BRF1: variants seen among roughly 807,000 people sequenced by gnomAD.
BRF1 encodes the protein BRF1 general transcription factor IIIB subunit.
Under a neutral mutation model 81.7 loss-of-function variants are expected in BRF1, and 59 were observed. That is an observed-to-expected ratio of 0.72 (90% CI 0.59 to 0.90). The LOEUF (loss-of-function observed/expected upper bound fraction) is 0.90, where lower values mean the gene tolerates loss of function less well. Ranked by LOEUF, BRF1 falls within the 40% of genes least tolerant of loss-of-function variation. The probability of loss-of-function intolerance (pLI) is 0.00; values close to 1 mark genes in which losing one functional copy is unlikely to be tolerated. For missense variants in BRF1, 1,050 were observed against 936.3 expected (o/e 1.12, Z -1.58); for synonymous variants, 491 against 395.6 (o/e 1.24, Z -2.86).
Position 105,211,231 on chromosome 14 carries a change from CA to C in BRF1, c.1886del (p.Val629GlyfsTer33). 5 of 1,610,696 alleles carry C rather than the reference CA, an allele frequency of 3.1e-6. No homozygotes were observed. Among genetic ancestry groups the C allele is most frequent in the Non-Finnish European group, 4.2e-6 (5 of 1,179,214 alleles). ...CGTGGTATGACACGGGCCCGCTCTC[CA>C]CCAGCACCGCCTGGGGCCTGGCAGG... is the stretch of plus-strand genomic sequence containing the variant. ...AEPARPQAVL[V>X]ESGPVSYHAD... On this transcript the variant is annotated frameshift_variant, in exon 17 of 18. Transcript: ENST00000547530. LOFTEE classifies it high-confidence loss of function.
chr14:105,268,507 C>T (rs756445780), intron 3 of BRF1, among the ~76,000 whole-genome samples: 21 of 152,348 alleles, frequency 1.4e-4, no homozygotes, highest in East Asian at 3.9e-4. Context: ...GCACAGCCCC[C>T]GGCACTTTCG....
At position 105,209,455 on chromosome 14, in the gene BRF1, G is replaced by A. The variant is rs1463306181; in HGVS notation, c.*1096C>T. ...CAGGACATACAGCCCATTCCATGGG[G>A]AGGATGAGGCCCCTGGGGGTCAGTG... On this transcript the variant is annotated 3_prime_UTR_variant, in exon 18 of 18. Coordinates refer to ENST00000547530, the MANE Select transcript of BRF1 (RefSeq NM_001519.4). 1 of 698,090 alleles carries A rather than the reference G, an allele frequency of 1.4e-6. No individual in the cohort carries two copies. The highest frequency in any genetic ancestry group is 1.5e-5 in the South Asian group (1 of 66,830). The allele number at this position is 698,090 out of a possible 1,614,324, so 43.2% of individuals were successfully genotyped here.
At chr14:105,252,206 G>A (rs1238774370) in intron 5 of BRF1, among the ~76,000 whole-genome samples, 2 of 152,208 alleles carry the variant, frequency 1.3e-5, no homozygotes, top group South Asian at 2.1e-4. Context: ...GCCAGGTGCG[G>A]TCTCATGCCT....
intron 14 of BRF1, 35 bp downstream of exon 14, chr14:105,218,963 C>G (rs774927958): frequency 2.7e-5 from 44 of 1,613,388 alleles, no homozygotes; most frequent in Non-Finnish European, 3.6e-5. Context: ...CTGGACACCC[C>G]CAAGAAGGCC....
At chr14:105,229,221 C>A (rs587707071) in intron 6 of BRF1, among the ~76,000 whole-genome samples, 1 of 152,224 alleles carries the variant, frequency 6.6e-6, no homozygotes, top group Non-Finnish European at 1.5e-5. Context: ...GTGCGGGAAA[C>A]ACAGCTTGTG....
intron 5 of BRF1, chr14:105,250,274 C>T (rs61747006): frequency 1.9e-6 from 3 of 1,612,952 alleles, no homozygotes; most frequent in Admixed American, 1.7e-5. Context: ...GTGGCGGTAC[C>T]GCGGGCGCTG....
chr14:105,264,911 CAA>C (rs1167492702), intron 3 of BRF1, among the ~76,000 whole-genome samples: 1 of 151,636 alleles, frequency 6.6e-6, no homozygotes, highest in Non-Finnish European at 1.5e-5. Flanking sequence ...AAAGGATGAG[CAA>C]AAGAGAGAAA....
Position 105,226,855 on chromosome 14 carries a change from T to C in BRF1, c.789-95A>G. ...GCCTGGGCGTGGCTCATGCCTGTGA[T>C]CCCAGTGCTTTGGGAGCCCAAGGTG... On this transcript the variant is annotated intron_variant, in intron 7 of 17. Transcript: ENST00000547530. The C allele has an allele frequency of 3.2e-6, 5 of 1,579,706 alleles. No individual in the cohort carries two copies. The East Asian group carries it at 1.1e-4, about 36-fold the overall frequency.
Position 105,210,359 on chromosome 14 carries a change from G to A in BRF1, c.*192C>T, listed in dbSNP as rs888958892. On this transcript the variant is annotated 3_prime_UTR_variant, in exon 18 of 18. Coordinates refer to ENST00000547530, the MANE Select transcript of BRF1 (RefSeq NM_001519.4). The surrounding 1 kb of genome is among the most constrained non-coding windows in gnomAD (Gnocchi z 4.7). ...TCACACACATGCAGACGCTTGGTCC[G>A]GTTTCCCTTGCTGAATAGAAACACA... 3.2e-5 allele frequency: 20 copies of A among 634,306 alleles called. No individual in the cohort carries two copies. The highest frequency in any genetic ancestry group is 2.7e-4 in the African/African-American group (15 of 54,550). 39.3% of individuals were successfully genotyped at this position (634,306 alleles called of 1,614,324 possible).
intron 2 of BRF1, among the ~76,000 whole-genome samples, chr14:105,283,521 G>T (rs2057196514): frequency 6.6e-6 from 1 of 152,310 alleles, no homozygotes; most frequent in African/African-American, 2.4e-5. Context: ...GGGCCTGCAG[G>T]TCACAACCTT....
At position 105,241,286 on chromosome 14, in the gene BRF1, G is replaced by C. The variant is rs2054613440; in HGVS notation, c.673C>G (p.Pro225Ala). 6.2e-7 allele frequency: 1 copy of C among 1,612,210 alleles called. No individual in the cohort carries two copies. Among genetic ancestry groups the C allele is most frequent in the East Asian group, 2.2e-5 (1 of 44,888 alleles). ...KRDWMHTGRR[P>A]SGLCGAALLV... ...GTACCTGCTCCGCAGAGGCCCGAGGGGCGCCGGCCTGTGTGCATCCAGTCC... is the reference window on the plus strand; with the variant it reads ...GTACCTGCTCCGCAGAGGCCCGAGGCGCGCCGGCCTGTGTGCATCCAGTCC... The change falls in exon 6 of 18, where the codon CCC (proline) becomes GCC (alanine). Residue 225 changes from proline to alanine, a missense_variant. Transcript: ENST00000547530.
At chr14:105,228,961 G>A (rs192721235) in intron 6 of BRF1, 48 bp from the exon 7 acceptor site, 5 of 1,570,202 alleles carry the variant, frequency 3.2e-6, no homozygotes, top group Admixed American at 3.3e-5. Flanking sequence ...GGGAACCAGG[G>A]CAACATCTGT....
chr14:105,256,348 G>A (rs750860996), intron 4 of BRF1, 170 bp downstream of exon 4: 42 of 1,557,858 alleles, frequency 2.7e-5, no homozygotes, highest in Non-Finnish European at 3.5e-5. Flanking sequence ...TGACCCCCAT[G>A]TCATGAAGGC....
intron 4 of BRF1, chr14:105,256,176 C>T (rs1413132934): frequency 3.9e-6 from 6 of 1,519,398 alleles, no homozygotes; most frequent in Non-Finnish European, 5.3e-6. Flanking sequence ...ATCTCCTATA[C>T]CAAACTAGGT....
intron 15 of BRF1, among the ~76,000 whole-genome samples, chr14:105,214,476 G>GTGGCTCAGCTGCCCACACCCCTGCA (rs879864616): frequency 1.4e-5 from 2 of 146,256 alleles, no homozygotes; most frequent in Admixed American, 7.2e-5. Context: ...ACACCCCTGC[G>GTGGCTCAGCTGCCCACACCCCTGCA]TGGCTCAGCT....
Position 105,219,251 on chromosome 14 carries a change from G to A in BRF1, c.1378-19C>T, listed in dbSNP as rs761851912. The A allele has an allele frequency of 1.9e-6, 3 of 1,608,744 alleles. No individual in the cohort carries two copies. Among genetic ancestry groups the A allele is most frequent in the South Asian group, 1.1e-5 (1 of 91,020 alleles). On this transcript the variant is annotated intron_variant, in intron 12 of 17. Coordinates refer to ENST00000547530, the MANE Select transcript of BRF1 (RefSeq NM_001519.4). The stretch of plus-strand genomic sequence containing the variant: ...GGATGTACTGGGCGAGCACAGGGAA[G>A]TGGGGCTGGCTTTTAGCCTTCGCAC...
At chr14:105,264,666 CAAAAAAA>C (rs56970432) in intron 3 of BRF1, among the ~76,000 whole-genome samples, 76 of 60,792 alleles carry the variant, frequency 1.3e-3, no homozygotes, top group Non-Finnish European at 1.8e-3. Context: ...GACTCCATCT[CAAAAAAA>C]AAAAAAAAAA....
intron 5 of BRF1, among the ~76,000 whole-genome samples, chr14:105,246,594 C>T (rs1294892860): frequency 1.3e-5 from 2 of 151,818 alleles, no homozygotes; most frequent in Non-Finnish European, 2.9e-5. Flanking sequence ...CTTGGCCTCC[C>T]GAATAGCTGG....
chr14:105,221,427 T>A lies in BRF1; in HGVS notation c.1315+221A>T, dbSNP rs368814991. Among the ~76,000 whole-genome samples, 6 of 152,292 alleles carry A rather than the reference T, an allele frequency of 3.9e-5. No individual in the cohort carries two copies. The East Asian group carries it at 9.6e-4, about 24-fold the overall frequency. ...TCCCAGTGAGGGTGACGAGACTCAC[T>A]GCATTCTGGCGTCGGCACACACCCA... On this transcript the variant is annotated intron_variant, in intron 11 of 17. Coordinates refer to ENST00000547530, the MANE Select transcript of BRF1 (RefSeq NM_001519.4).
Sources: allele counts gnomAD v4.1 joint callset (sites outside exome capture counted in the v4.1 genomes callset), GRCh38; gene constraint gnomAD v4.1.1; non-coding constraint Gnocchi (gnomAD v3.1); transcripts MANE v1.5; gene names NCBI Gene and HGNC (gene_info 2026-07-23, HGNC 2026-07-21).